The following RAB3B variants were observed in gnomAD, a reference collection of about 807,000 sequenced individuals.
The protein encoded by RAB3B is ras-related protein Rab-3B.
A neutral mutation model predicts 20.5 loss-of-function variants in RAB3B; 11 were observed. The ratio of observed to expected loss-of-function variants is 0.54; its 90% CI spans 0.34 to 0.89. The LOEUF is 0.89. Ranked by LOEUF, RAB3B falls within the 40% of genes least tolerant of loss-of-function variation. The pLI is 0.02. For missense variants in RAB3B, 225 were observed against 280.9 expected (o/e 0.80, Z 1.42); for synonymous variants, 99 against 106.3 (o/e 0.93, Z 0.42).
intron 1 of RAB3B, among the ~76,000 whole-genome samples, chr1:51,985,395 TA>T (rs1553232118): frequency 1.3e-5 from 2 of 152,178 alleles, no homozygotes; most frequent in Non-Finnish European, 2.9e-5. Context: ...GAAACACATA[TA>T]GAGCATTTTT....
rs556041077 is a variant in RAB3B at position 51,938,125 on chromosome 1, C to T, written c.229-713G>A. On this transcript the variant is annotated intron_variant, in intron 2 of 4. Transcript: ENST00000371655. ...GAAGCAATGCTCCCACCTCAGTCTC[C>T]GAGTAGCTGGGATTAAGGTTTTGTG... is the stretch of plus-strand genomic sequence containing the variant. Among the ~76,000 whole-genome samples the T allele has an allele frequency of 6.6e-5, 10 of 151,274 alleles. No homozygotes were observed. The South Asian group carries it at 8.4e-4, about 13-fold the overall frequency.
intron 3 of RAB3B, among the ~76,000 whole-genome samples, chr1:51,934,282 C>T (rs1007378744): frequency 6.6e-6 from 1 of 152,118 alleles, no homozygotes; most frequent in Non-Finnish European, 1.5e-5. Flanking sequence ...CCACAACTAA[C>T]TCATCCTCCA....
At chr1:51,952,118 G>C (rs1684649065) in intron 2 of RAB3B, among the ~76,000 whole-genome samples, 1 of 152,180 alleles carries the variant, frequency 6.6e-6, no homozygotes, top group Admixed American at 6.5e-5. Context: ...CCTTATGAGA[G>C]TAATTAATTC....
chr1:51,952,468 A>G (rs2795004), intron 2 of RAB3B, among the ~76,000 whole-genome samples: 126,764 of 151,716 alleles, frequency 0.84, 53,750 homozygotes, highest in East Asian at 0.96. Flanking sequence ...TGTATGTGGC[A>G]TATCTTAGGT....
intron 2 of RAB3B, among the ~76,000 whole-genome samples, chr1:51,970,094 A>AAAAC (rs201922466): frequency 3.3e-5 from 5 of 151,642 alleles, no homozygotes; most frequent in Admixed American, 6.6e-5. Flanking sequence ...CAAAAAACAA[A>AAAAC]AAACAAACAA....
intron 2 of RAB3B, among the ~76,000 whole-genome samples, chr1:51,965,237 C>T (rs569599546): frequency 1.2e-4 from 18 of 147,198 alleles, no homozygotes; most frequent in Admixed American, 3.4e-4. Context: ...AAAAAAGAAA[C>T]GAAAAAAAGA....
intron 2 of RAB3B, among the ~76,000 whole-genome samples, chr1:51,976,676 C>T (rs192407370): frequency 1.0e-3 from 158 of 152,296 alleles, no homozygotes; most frequent in African/African-American, 3.6e-3. Flanking sequence ...CATAAAACCT[C>T]CTGGATAGTT....
At chr1:51,986,532 G>A (rs1359009178) in intron 1 of RAB3B, among the ~76,000 whole-genome samples, 1 of 152,138 alleles carries the variant, frequency 6.6e-6, no homozygotes, top group Non-Finnish European at 1.5e-5. Context: ...AAAATCACTT[G>A]AGTCCAGAGG....
At chr1:51,986,937 G>A (rs1170776771) in intron 1 of RAB3B, among the ~76,000 whole-genome samples, 1 of 152,218 alleles carries the variant, frequency 6.6e-6, no homozygotes, top group Non-Finnish European at 1.5e-5. Context: ...ATGCAGAATT[G>A]CATTTGTAAG....
intron 1 of RAB3B, among the ~76,000 whole-genome samples, chr1:51,989,293 C>G (rs1319285117): frequency 6.6e-6 from 1 of 150,636 alleles, no homozygotes; most frequent in Non-Finnish European, 1.5e-5. Flanking sequence ...TCCTCCACAT[C>G]TCTCTTAGCT....
At chr1:51,922,346 T>C (rs1474361453) in intron 4 of RAB3B, among the ~76,000 whole-genome samples, 3 of 152,142 alleles carry the variant, frequency 2.0e-5, no homozygotes, top group African/African-American at 7.2e-5. Flanking sequence ...ACAAATCCCT[T>C]GTGAGGAAGT....
chr1:51,949,560 T>C (rs912070578), intron 2 of RAB3B, among the ~76,000 whole-genome samples: 2 of 152,154 alleles, frequency 1.3e-5, no homozygotes, highest in Admixed American at 1.3e-4. Flanking sequence ...AGTGCTGACA[T>C]GAGAGCAGGC....
intron 2 of RAB3B, among the ~76,000 whole-genome samples, chr1:51,970,028 C>T (rs1684906313): frequency 6.6e-6 from 1 of 151,724 alleles, no homozygotes; most frequent in Non-Finnish European, 1.5e-5. Context: ...TGAGATCGCA[C>T]CACTGTACTC....
At chr1:51,986,740 T>G (rs1188179347) in intron 1 of RAB3B, among the ~76,000 whole-genome samples, 1 of 152,218 alleles carries the variant, frequency 6.6e-6, no homozygotes, top group Non-Finnish European at 1.5e-5. Context: ...CAGTAGGTGG[T>G]GTGAGAACGG....
chr1:51,929,657 T>C (rs1175405545), intron 4 of RAB3B, among the ~76,000 whole-genome samples: 2 of 152,208 alleles, frequency 1.3e-5, no homozygotes, highest in East Asian at 3.8e-4. Flanking sequence ...TTTGCAATTT[T>C]ATCACTTGCA....
At chr1:51,942,694 T>C (rs957858653) in intron 2 of RAB3B, among the ~76,000 whole-genome samples, 4 of 152,184 alleles carry the variant, frequency 2.6e-5, no homozygotes, top group African/African-American at 9.7e-5. Context: ...TAATAATACT[T>C]CATTTTATTG....
At chr1:51,967,440 C>T (rs900321734) in intron 2 of RAB3B, among the ~76,000 whole-genome samples, 7 of 151,320 alleles carry the variant, frequency 4.6e-5, no homozygotes, top group African/African-American at 1.7e-4. Flanking sequence ...GAACTTAAAA[C>T]ATGGACATTA....
chr1:51,978,575 A>G (rs911435003), intron 1 of RAB3B, among the ~76,000 whole-genome samples: 4 of 152,208 alleles, frequency 2.6e-5, no homozygotes, highest in African/African-American at 9.7e-5. Flanking sequence ...TCTGAACTCC[A>G]TAATTCAGCA....
At chr1:51,966,827 T>C (rs1214617957) in intron 2 of RAB3B, among the ~76,000 whole-genome samples, 29 of 152,102 alleles carry the variant, frequency 1.9e-4, no homozygotes. Flanking sequence ...AGAGCCCCAG[T>C]TTCCCTGTTC....
Sources: gnomAD v4.1 joint callset for allele counts (sites outside exome capture counted in the v4.1 genomes callset) on GRCh38, gnomAD v4.1.1 for gene constraint, MANE v1.5 for transcripts, NCBI Gene and HGNC (gene_info 2026-07-23, HGNC 2026-07-21) for gene names.